YIPF1: variants seen among roughly 807,000 people sequenced by gnomAD.
YIPF1 encodes protein YIPF1.
YIPF1 carries 22 observed loss-of-function variants against 37.0 expected under a neutral mutation model. That is an observed-to-expected ratio of 0.59 (90% CI 0.42 to 0.85). The LOEUF is 0.85. YIPF1 is among the 40% of genes least tolerant of loss of function. YIPF1 has a pLI of 0.00. For missense variants in YIPF1, 355 were observed against 373.1 expected, an observed-to-expected ratio of 0.95 and a Z score of 0.40; for synonymous variants, 128 against 131.9, an observed-to-expected ratio of 0.97 and a Z score of 0.21.
At chr1:53,859,509 C>T (rs1454109536) in intron 10 of YIPF1, among the ~76,000 whole-genome samples, 1 of 151,940 alleles carries the variant, frequency 6.6e-6, no homozygotes, top group East Asian at 1.9e-4. Context: ...AATAAAAATA[C>T]AAAAATTAGC....
rs748448881 is a variant in YIPF1 at position 53,883,124 on chromosome 1, CAG to C, written c.182_183del (p.Ser61Ter). Reference protein sequence around the residue: ...EDDELLGNDDSDKTELLAGQK... With the variant: ...EDDELLGNDDXDKTELLAGQK... ...AGACAAGTTCAAACCTCAGTTTTGT[CAG>C]AGTCATCATTTCCCAGTAACTCATC... On this transcript the variant is annotated frameshift_variant, in exon 4 of 11. Transcript: ENST00000072644. LOFTEE classifies it high-confidence loss of function. 4.5e-6 allele frequency: 7 copies of C among 1,571,984 alleles called. No homozygotes were observed. Among genetic ancestry groups the C allele is most frequent in the Non-Finnish European group, 4.3e-6 (5 of 1,165,958 alleles).
At position 53,876,867 on chromosome 1, in the gene YIPF1, T is replaced by C. The variant is rs59243564; in HGVS notation, c.364+1448A>G. On this transcript the variant is annotated intron_variant, in intron 6 of 10. Transcript: ENST00000072644. ...TGTTTGCCATTATTATTGCTAACTC[T>C]GTAACTACGGGCAAGTTATCTCCTT... is the stretch of plus-strand genomic sequence containing the variant. Among the ~76,000 whole-genome samples the C allele has an allele frequency of 7.7e-3, 1,168 of 152,346 alleles. 14 individuals carry two copies. The highest frequency in any genetic ancestry group is 0.027 in the African/African-American group (1,123 of 41,582).
At chr1:53,879,511 CAA>C (rs35069175) in intron 4 of YIPF1, among the ~76,000 whole-genome samples, 2 of 148,960 alleles carry the variant, frequency 1.3e-5, no homozygotes, top group Admixed American at 6.7e-5. Context: ...ACTACTCTGA[CAA>C]AAAAAAAAAT....
At chr1:53,852,442 C>T (rs1189843414) in intron 10 of YIPF1, among the ~76,000 whole-genome samples, 172 bp from the exon 11 acceptor site, 1 of 152,120 alleles carries the variant, frequency 6.6e-6, no homozygotes, top group South Asian at 2.1e-4. Flanking sequence ...AATTTTGATG[C>T]TAAAAGTAGA....
intron 10 of YIPF1, among the ~76,000 whole-genome samples, chr1:53,852,825 G>A (rs1217148590): frequency 1.3e-5 from 2 of 152,156 alleles, no homozygotes; most frequent in Admixed American, 6.5e-5. Flanking sequence ...ATAGTTAAAG[G>A]CGTGGTCAGA....
intron 7 of YIPF1, among the ~76,000 whole-genome samples, chr1:53,868,955 T>G (rs1471329401): frequency 6.6e-6 from 1 of 152,220 alleles, no homozygotes; most frequent in Non-Finnish European, 1.5e-5. Flanking sequence ...TTCTAACCAC[T>G]GAACTACTTG....
chr1:53,886,199 C>T (rs1279228155), intron 3 of YIPF1, among the ~76,000 whole-genome samples: 1 of 151,798 alleles, frequency 6.6e-6, no homozygotes, highest in Non-Finnish European at 1.5e-5. Context: ...GGGATGGCAT[C>T]TCATGCAAAG....
At chr1:53,859,933 G>T in intron 10 of YIPF1, 123 bp downstream of exon 10, 1 of 923,346 alleles carries the variant, frequency 1.1e-6, no homozygotes, top group Non-Finnish European at 1.6e-6. Context: ...ACAAACCCAC[G>T]CTGAACTGTG....
At chr1:53,886,499 C>A (rs1425069734) in intron 3 of YIPF1, among the ~76,000 whole-genome samples, 3 of 151,868 alleles carry the variant, frequency 2.0e-5, no homozygotes, top group Admixed American at 1.3e-4. Flanking sequence ...AGGCTTCTGA[C>A]CTCTACTTTT....
chr1:53,860,576 G>A (rs954091618), intron 9 of YIPF1, among the ~76,000 whole-genome samples: 1 of 152,160 alleles, frequency 6.6e-6, no homozygotes, highest in African/African-American at 2.4e-5. Flanking sequence ...CTTTCCTCCA[G>A]GGCAAAGACT....
chr1:53,884,586 T>G (rs1337571113), intron 3 of YIPF1, among the ~76,000 whole-genome samples: 1 of 152,226 alleles, frequency 6.6e-6, no homozygotes, highest in Admixed American at 6.5e-5. Context: ...AAGGAGTGTC[T>G]GTGTAGAAAA....
rs139541444 is a variant in YIPF1 at position 53,888,372 on chromosome 1, C to T, written c.31+535G>A. Reference sequence around the variant, plus strand: ...TATTTAAATGATCATTTAATAAATACATGTCCCCCTCACTAGACTGAGAGC... The same window carrying T: ...TATTTAAATGATCATTTAATAAATATATGTCCCCCTCACTAGACTGAGAGC... On this transcript the variant is annotated intron_variant, in intron 3 of 10. Transcript: ENST00000072644. 7.2e-5 allele frequency among the ~76,000 whole-genome samples: 11 copies of T among 152,294 alleles called. No individual in the cohort carries two copies. In the East Asian group the frequency reaches 2.1e-3, roughly 29 times the overall value.
chr1:53,882,209 T>C (rs931114128), intron 4 of YIPF1, among the ~76,000 whole-genome samples: 5 of 152,084 alleles, frequency 3.3e-5, no homozygotes, highest in Non-Finnish European at 7.4e-5. Flanking sequence ...GAAGAGCTAA[T>C]GGATGCTGGG....
In YIPF1 at chr1:53,889,380, T is replaced by G. The variant is rs1334614983; in HGVS notation, c.-186A>C. ...AGCCAGTGGTTAAAGGCACAGGCTC[T>G]GGGGTCAGACAGAGCTGGGTTTGAT... On this transcript the variant is annotated 5_prime_UTR_variant, in exon 2 of 11. Coordinates refer to ENST00000072644, the MANE Select transcript of YIPF1 (RefSeq NM_018982.5). The G allele has an allele frequency of 6.2e-6, 1 of 161,350 alleles. No individual in the cohort carries two copies. Among genetic ancestry groups the G allele is most frequent in the Non-Finnish European group, 1.4e-5 (1 of 72,960 alleles). 10.0% of individuals were successfully genotyped at this position (161,350 alleles called of 1,614,324 possible).
intron 6 of YIPF1, among the ~76,000 whole-genome samples, chr1:53,872,055 T>A (rs1425706551): frequency 2.0e-5 from 3 of 151,000 alleles, no homozygotes; most frequent in East Asian, 1.9e-4. Flanking sequence ...TTTTTTTTTT[T>A]AATGAAAAAG....
intron 9 of YIPF1, 56 bp from the exon 10 acceptor site, chr1:53,860,209 GT>G (rs1174156480): frequency 3.4e-5 from 53 of 1,552,594 alleles, no homozygotes; most frequent in Non-Finnish European, 4.4e-5. Flanking sequence ...CCGGGTAAGT[GT>G]TTTTTTAGAC....
At chr1:53,888,323 G>C (rs554676628) in intron 3 of YIPF1, among the ~76,000 whole-genome samples, 2 of 152,244 alleles carry the variant, frequency 1.3e-5, no homozygotes, top group East Asian at 1.9e-4. Flanking sequence ...TTTTCCTCCA[G>C]CACTTTCATA....
chr1:53,865,615 G>A (rs1650000138), intron 9 of YIPF1, among the ~76,000 whole-genome samples: 3 of 151,940 alleles, frequency 2.0e-5, no homozygotes, highest in South Asian at 2.1e-4. Context: ...CCATACCAAG[G>A]AACAAATGTA....
At chr1:53,887,677 A>G (rs1054665004) in intron 3 of YIPF1, among the ~76,000 whole-genome samples, 1 of 152,100 alleles carries the variant, frequency 6.6e-6, no homozygotes, top group African/African-American at 2.4e-5. Context: ...AAATAGATTT[A>G]TCTTTAAACA....
Sources: allele counts gnomAD v4.1 joint callset (sites outside exome capture counted in the v4.1 genomes callset), GRCh38; gene constraint gnomAD v4.1.1; transcripts MANE v1.5; gene names NCBI Gene and HGNC (gene_info 2026-07-23, HGNC 2026-07-21).